The following SHANK2 variants were observed in gnomAD, a reference collection of about 807,000 sequenced individuals.
The protein encoded by SHANK2 is SH3 and multiple ankyrin repeat domains protein 2.
SHANK2 carries 43 observed loss-of-function variants against 133.7 expected under a neutral mutation model. The observed-to-expected ratio is 0.32, with a 90% CI of 0.25 to 0.41. The LOEUF is 0.41. SHANK2 is among the 10% of genes least tolerant of loss of function. SHANK2 has a pLI of 1.00. For missense variants in SHANK2, 1,994 were observed against 2,235.8 expected (o/e 0.89, Z 2.18); for synonymous variants, 1,017 against 952.8 (o/e 1.07, Z -1.24).
At chr11:70,835,561 C>T (rs1445104989) in intron 11 of SHANK2, among the ~76,000 whole-genome samples, 1 of 152,066 alleles carries the variant, frequency 6.6e-6, no homozygotes, top group Non-Finnish European at 1.5e-5. Context: ...GACCCTGGGG[C>T]CAGGGTGATC....
At chr11:70,707,396 AAGAG>A (rs1555025170) in intron 14 of SHANK2, among the ~76,000 whole-genome samples, 2 of 106,964 alleles carry the variant, frequency 1.9e-5, no homozygotes, top group Non-Finnish European at 4.2e-5. Context: ...AAAAAAAAAA[AAGAG>A]AGAGAGAGAT....
At chr11:71,083,317 TG>T (rs1278101535) in intron 8 of SHANK2, among the ~76,000 whole-genome samples, 1 of 152,066 alleles carries the variant, frequency 6.6e-6, no homozygotes, top group Non-Finnish European at 1.5e-5. Flanking sequence ...AGGATGATGA[TG>T]GGGGGACAGA....
intron 10 of SHANK2, among the ~76,000 whole-genome samples, chr11:70,937,681 G>A (rs1950590442): frequency 6.6e-6 from 1 of 151,818 alleles, no homozygotes; most frequent in South Asian, 2.1e-4. Flanking sequence ...GTGTGTGCGT[G>A]CATCTTTTTT....
intron 14 of SHANK2, among the ~76,000 whole-genome samples, chr11:70,701,907 C>T (rs2134509691): frequency 6.6e-6 from 1 of 151,626 alleles, no homozygotes; most frequent in South Asian, 2.1e-4. Context: ...CACCCTCCAT[C>T]ATCACCACCA....
At chr11:70,927,039 C>T (rs782625830) in intron 10 of SHANK2, among the ~76,000 whole-genome samples, 20 of 152,020 alleles carry the variant, frequency 1.3e-4, no homozygotes, top group Admixed American at 1.3e-4. Context: ...GAATCTCTGC[C>T]GCACGACGTG....
intron 17 of SHANK2, among the ~76,000 whole-genome samples, chr11:70,579,941 G>C (rs2060162585): frequency 6.6e-6 from 1 of 152,234 alleles, no homozygotes; most frequent in Non-Finnish European, 1.5e-5. Context: ...CTAGAAGGTG[G>C]AAAAGGCAAG....
At chr11:71,119,401 G>A (rs782370512) in intron 3 of SHANK2, among the ~76,000 whole-genome samples, 3 of 152,034 alleles carry the variant, frequency 2.0e-5, no homozygotes, top group Non-Finnish European at 4.4e-5. Context: ...CCAACATGGC[G>A]AAACCCCATC....
intron 17 of SHANK2, among the ~76,000 whole-genome samples, chr11:70,631,452 T>C (rs2060989977): frequency 1.3e-5 from 2 of 151,430 alleles, no homozygotes; most frequent in African/African-American, 4.9e-5. Context: ...AATAAAACCA[T>C]GTCCCTGGTC....
chr11:71,132,584 C>A (rs543373234), intron 3 of SHANK2, among the ~76,000 whole-genome samples: 2 of 152,318 alleles, frequency 1.3e-5, no homozygotes, highest in East Asian at 3.9e-4. Flanking sequence ...GCTACGGAGA[C>A]CCTGCAAACT....
At chr11:70,846,344 G>A (rs1258727480) in intron 11 of SHANK2, among the ~76,000 whole-genome samples, 1 of 152,106 alleles carries the variant, frequency 6.6e-6, no homozygotes, top group Non-Finnish European at 1.5e-5. Context: ...GCTCACTGCA[G>A]CCTCAACCTC....
At chr11:71,063,654 C>T (rs1045934718) in intron 9 of SHANK2, among the ~76,000 whole-genome samples, 5 of 152,252 alleles carry the variant, frequency 3.3e-5, no homozygotes, top group Admixed American at 6.5e-5. Flanking sequence ...GGCTCCCTTG[C>T]GAGGCTGCTG....
chr11:70,922,074 G>C (rs1252754174), intron 10 of SHANK2, among the ~76,000 whole-genome samples: 2 of 152,186 alleles, frequency 1.3e-5, no homozygotes, highest in Non-Finnish European at 2.9e-5. Context: ...AGAATTTCAA[G>C]AAACAATTGA....
chr11:70,729,986 G>A (rs1353355705), intron 14 of SHANK2, among the ~76,000 whole-genome samples: 4 of 151,528 alleles, frequency 2.6e-5, no homozygotes, highest in Non-Finnish European at 5.9e-5. Context: ...TTCATGATGT[G>A]GGGCAAGCAA....
chr11:70,774,232 T>A (rs961988636), intron 14 of SHANK2, among the ~76,000 whole-genome samples: 4 of 152,108 alleles, frequency 2.6e-5, no homozygotes, highest in Admixed American at 2.0e-4. Flanking sequence ...ATGATCCCAT[T>A]ACATGAAATG....
At chr11:70,695,449 C>T (rs782520632) in intron 15 of SHANK2, among the ~76,000 whole-genome samples, 23 of 152,182 alleles carry the variant, frequency 1.5e-4, no homozygotes, top group Non-Finnish European at 2.6e-4. Flanking sequence ...CAAAAGACCA[C>T]GTAGTGGCTG....
At chr11:71,234,249 C>T (rs1954794906) in intron 1 of SHANK2, among the ~76,000 whole-genome samples, 1 of 145,080 alleles carries the variant, frequency 6.9e-6, no homozygotes. Flanking sequence ...GTAATCCCAG[C>T]TACTCAGAAG....
intron 17 of SHANK2, among the ~76,000 whole-genome samples, chr11:70,523,721 G>C (rs1554971547): frequency 6.6e-6 from 1 of 152,204 alleles, no homozygotes; most frequent in Admixed American, 6.5e-5. Flanking sequence ...GGGCTGGGCT[G>C]TGCACGAATC....
intron 17 of SHANK2, among the ~76,000 whole-genome samples, chr11:70,530,117 G>A (rs1188956658): frequency 6.6e-6 from 1 of 152,240 alleles, no homozygotes; most frequent in Non-Finnish European, 1.5e-5. Flanking sequence ...CATGTTCACA[G>A]CAGCGTCATC....
intron 17 of SHANK2, among the ~76,000 whole-genome samples, chr11:70,545,493 G>A (rs2059680565): frequency 6.6e-6 from 1 of 152,194 alleles, no homozygotes; most frequent in South Asian, 2.1e-4. Flanking sequence ...GCAGAGCTGA[G>A]GGTCCTCACC....
Sources: gnomAD v4.1 joint callset for allele counts (sites outside exome capture counted in the v4.1 genomes callset) on GRCh38, gnomAD v4.1.1 for gene constraint, MANE v1.5 for transcripts, NCBI Gene and HGNC (gene_info 2026-07-23, HGNC 2026-07-21) for gene names.